MREG: variants seen among roughly 807,000 people sequenced by gnomAD.
MREG encodes dilute suppressor protein homolog.
A neutral mutation model predicts 28.5 loss-of-function variants in MREG; 31 were observed. The observed-to-expected ratio is 1.09, with a 90% CI of 0.82 to 1.47. The LOEUF is 1.47. Among genes scored for constraint, MREG ranks in the 40% most tolerant of loss-of-function variants. The pLI, the probability that MREG is intolerant of heterozygous loss-of-function variation, is 0.00. For synonymous variants in MREG, 106 were observed against 95.2 expected, an observed-to-expected ratio of 1.11 and a Z score of -0.66; for missense variants, 256 against 257.4, an observed-to-expected ratio of 0.99 and a Z score of 0.04.
At chr2:216,016,919 A>G (rs1694456540), upstream of MREG, among the ~76,000 whole-genome samples, 1 of 152,246 alleles carries the variant, frequency 6.6e-6, no homozygotes, top group Non-Finnish European at 1.5e-5. Context: ...AGTTACTAAC[A>G]TTTTTAAAAT....
chr2:215,954,946 G>A (rs574588034), intron 2 of MREG, among the ~76,000 whole-genome samples: 6 of 152,184 alleles, frequency 3.9e-5, no homozygotes, highest in East Asian at 1.9e-4. Context: ...CAGGTGATCC[G>A]CCCACCTTGG....
In MREG at chr2:215,996,426, C is replaced by T; in HGVS notation, c.135G>A (p.Val45=). The change falls in exon 2 of 5, where the codon GTG becomes GTA. Residue 45 remains valine (V), a synonymous_variant. Transcript: ENST00000263268. The stretch of plus-strand genomic sequence containing the variant: ...TCCATAAATTCTTCTCATCATCCCT[C>T]ACCAGAGTTGCTCCAAATGAGGAAT... ...NPYSSFGATL[V]RDDEKNLWSM... is the part of the protein sequence containing the mutation. 1.9e-6 allele frequency: 3 copies of T among 1,613,664 alleles called. No individual in the cohort carries two copies. The highest frequency in any genetic ancestry group is 2.5e-6 in the Non-Finnish European group (3 of 1,179,748).
In MREG at chr2:215,954,445, A is replaced by AACAAACACACACACACACAC. The variant is rs1553547417; in HGVS notation, c.256-7333_256-7332insGTGTGTGTGTGTGTGTTTGT. Among the ~76,000 whole-genome samples, 363 of 136,590 alleles carry AACAAACACACACACACACAC rather than the reference A, an allele frequency of 2.7e-3. 3 individuals carry two copies. The highest frequency in any genetic ancestry group is 5.7e-3 in the African/African-American group (209 of 36,628). The allele number at this position is 136,590 out of a possible 152,430, so 89.6% of individuals were successfully genotyped here. A position where few individuals can be genotyped will look rare whatever the true frequency, so the allele number is the denominator to read the frequency against. On this transcript the variant is annotated intron_variant, in intron 2 of 4. Coordinates refer to ENST00000263268, the MANE Select transcript of MREG (RefSeq NM_018000.3). ...TCCTTATTGTATTTGATCTGTGTAC[A>AACAAACACACACACACACAC]ACACACACACACACACACACACACA...
chr2:216,010,913 G>A (rs1262887912), intron 1 of MREG, among the ~76,000 whole-genome samples: 12 of 151,080 alleles, frequency 7.9e-5, no homozygotes, highest in African/African-American at 2.9e-4. Flanking sequence ...TGGATAACAC[G>A]GTGAAACCCC....
chr2:215,986,928 A>T (rs552576480), intron 2 of MREG, among the ~76,000 whole-genome samples: 10 of 152,230 alleles, frequency 6.6e-5, no homozygotes, highest in Non-Finnish European at 1.5e-4. Flanking sequence ...AAATGCACAT[A>T]CTTTGATCCA....
Position 215,944,841 on chromosome 2 carries a change from A to C in MREG, c.*22T>G. The C allele has an allele frequency of 6.4e-7, 1 of 1,561,568 alleles. No homozygotes were observed. The highest frequency in any genetic ancestry group is 8.8e-7 in the Non-Finnish European group (1 of 1,140,556). ...GCTGAGTCCTCATGGAAGAATTCCC[A>C]TTCTGCCCCTGAGCCTCTCCTTTAG... On this transcript the variant is annotated 3_prime_UTR_variant, in exon 5 of 5. Transcript: ENST00000263268.
At chr2:216,033,233 AT>A (rs982558561), upstream of MREG, among the ~76,000 whole-genome samples, 16 of 152,108 alleles carry the variant, frequency 1.1e-4, no homozygotes, top group Non-Finnish European at 1.5e-4. Flanking sequence ...CCCTTCCTCC[AT>A]TTTTTTAAGT....
At chr2:215,956,481 A>G (rs1692631327) in intron 2 of MREG, among the ~76,000 whole-genome samples, 1 of 152,104 alleles carries the variant, frequency 6.6e-6, no homozygotes, top group Admixed American at 6.6e-5. Context: ...ATATCAAAAG[A>G]GCCTGTAGAA....
chr2:216,015,106 TGTGTGTGTGCACGC>T (rs1694414343), upstream of MREG, among the ~76,000 whole-genome samples: 1 of 75,956 alleles, frequency 1.3e-5, no homozygotes, highest in South Asian at 3.9e-4. Flanking sequence ...GAGAGCGGGG[TGTGTGTGTGCACGC>T]GTGTGTGTGC....
chr2:215,956,263 G>C (rs979201624), intron 2 of MREG, among the ~76,000 whole-genome samples: 1 of 152,130 alleles, frequency 6.6e-6, no homozygotes, highest in South Asian at 2.1e-4. Flanking sequence ...GCATTCCTGA[G>C]GATTAACTGA....
intron 1 of MREG, among the ~76,000 whole-genome samples, chr2:215,997,370 A>G (rs1406991316): frequency 6.6e-6 from 1 of 152,212 alleles, no homozygotes; most frequent in Non-Finnish European, 1.5e-5. Context: ...AGAGAAGATT[A>G]GTGACAGAGC....
intron 2 of MREG, among the ~76,000 whole-genome samples, chr2:215,951,848 G>A (rs938414505): frequency 4.6e-5 from 7 of 152,284 alleles, no homozygotes; most frequent in Middle Eastern, 6.8e-3. Flanking sequence ...CTTGAGTCCT[G>A]ATTTAAGCTC....
chr2:215,962,732 T>C (rs1465648393), intron 2 of MREG, among the ~76,000 whole-genome samples: 1 of 150,152 alleles, frequency 6.7e-6, no homozygotes, highest in Non-Finnish European at 1.5e-5. Flanking sequence ...CAGACCTGTG[T>C]TGTCCAATAC....
rs537637794 is a variant in MREG at position 216,023,824 on chromosome 2, T to C, written c.-68+8965A>G. On this transcript the variant is annotated intron_variant, in intron 1 of 3. Transcript: ENST00000420348. ...CTGGGATTACAGGCACCCACGACCA[T>C]GCCCAGTTAATTTTTATACATTTAG... Among the ~76,000 whole-genome samples the C allele has an allele frequency of 9.9e-5, 15 of 152,168 alleles. No homozygotes were observed. In the East Asian group the frequency reaches 2.7e-3, roughly 28 times the overall value.
chr2:215,970,576 T>C (rs1393630011), intron 2 of MREG, among the ~76,000 whole-genome samples: 1 of 152,242 alleles, frequency 6.6e-6, no homozygotes, highest in Non-Finnish European at 1.5e-5. Flanking sequence ...CTTACTCATC[T>C]GCACAGCCAT....
At chr2:215,985,783 T>C (rs928379029) in intron 2 of MREG, among the ~76,000 whole-genome samples, 5 of 152,214 alleles carry the variant, frequency 3.3e-5, no homozygotes, top group Admixed American at 6.5e-5. Context: ...GTGCTATTTC[T>C]ACTCAAGGAA....
chr2:215,997,549 A>C (rs968540931), intron 1 of MREG, among the ~76,000 whole-genome samples: 5 of 152,346 alleles, frequency 3.3e-5, no homozygotes, highest in Admixed American at 2.0e-4. Context: ...ATTGTGAGCA[A>C]AACAGACATC....
chr2:215,993,330 C>T (rs996650067), intron 2 of MREG, among the ~76,000 whole-genome samples: 2 of 152,320 alleles, frequency 1.3e-5, no homozygotes, highest in East Asian at 3.9e-4. Context: ...AAAGGATCTG[C>T]TATTTAATAA....
chr2:215,990,807 C>T (rs542774164), intron 2 of MREG, among the ~76,000 whole-genome samples: 209 of 152,260 alleles, frequency 1.4e-3, no homozygotes, highest in African/African-American at 4.8e-3. Context: ...AAGGGCATTA[C>T]ATAATGGTAA....
Sources: allele counts gnomAD v4.1 joint callset (sites outside exome capture counted in the v4.1 genomes callset), GRCh38; gene constraint gnomAD v4.1.1; transcripts MANE v1.5; gene names NCBI Gene and HGNC (gene_info 2026-07-23, HGNC 2026-07-21).